The following ACACA variants were observed in gnomAD, a reference collection of about 807,000 sequenced individuals.
ACACA encodes acetyl-CoA carboxylase 1.
Under a neutral mutation model 296.1 loss-of-function variants are expected in ACACA, and 103 were observed. That is an observed-to-expected ratio of 0.35 (90% CI 0.30 to 0.41). ACACA has a LOEUF of 0.41. ACACA is among the 10% of genes least tolerant of loss of function. ACACA has a pLI of 1.00. For synonymous variants in ACACA, 953 were observed against 1,038.6 expected, an observed-to-expected ratio of 0.92 and a Z score of 1.58; for missense variants, 1,554 against 2,989.7, an observed-to-expected ratio of 0.52 and a Z score of 11.20.
At chr17:37,346,687 G>A (rs933162947) in intron 1 of ACACA, among the ~76,000 whole-genome samples, 1 of 132,338 alleles carries the variant, frequency 7.6e-6, no homozygotes, top group Non-Finnish European at 1.5e-5. Flanking sequence ...AGGCGACAGA[G>A]CAAGACTCCA....
intron 42 of ACACA, among the ~76,000 whole-genome samples, chr17:37,156,088 G>C (rs1036924518): frequency 8.4e-6 from 1 of 119,638 alleles, no homozygotes; most frequent in Non-Finnish European, 1.7e-5. Context: ...TGTTGAGATG[G>C]AGTCTCACTC....
At chr17:37,178,034 T>C (rs140286612) in intron 41 of ACACA, among the ~76,000 whole-genome samples, 2 of 152,346 alleles carry the variant, frequency 1.3e-5, no homozygotes, top group African/African-American at 4.8e-5. Context: ...CCAGCCTATT[T>C]GTGGTGAAAA....
rs573100902 is a variant in ACACA, at chr17:37,383,661, C to T, written c.38+22601G>A. ...CTCCCAGGTTCAAGCAATTCTCGTG[C>T]TTCAGCCTCTCGAGTAGCTGGGATT... On this transcript the variant is annotated intron_variant, in intron 1 of 55. Transcript: ENST00000616317. Among the ~76,000 whole-genome samples the T allele has an allele frequency of 1.5e-4, 23 of 152,326 alleles. No individual in the cohort carries two copies. The South Asian group carries it at 4.3e-3, about 29-fold the overall frequency.
chr17:37,332,750 A>G (rs1343812258), intron 2 of ACACA, among the ~76,000 whole-genome samples: 2 of 152,046 alleles, frequency 1.3e-5, no homozygotes, highest in Non-Finnish European at 2.9e-5. Context: ...CGTCTCTACT[A>G]AAAATACAAA....
chr17:37,406,065 T>C (rs574682813), intron 1 of ACACA, among the ~76,000 whole-genome samples, 197 bp downstream of exon 1: 2 of 152,216 alleles, frequency 1.3e-5, no homozygotes, highest in South Asian at 4.1e-4. Context: ...AGCAGTGTGA[T>C]CCCAAGTTAT....
chr17:37,218,425 ATC>A (rs2145605617), intron 29 of ACACA, among the ~76,000 whole-genome samples: 1 of 152,332 alleles, frequency 6.6e-6, no homozygotes, highest in African/African-American at 2.4e-5. Flanking sequence ...AATTAATTTT[ATC>A]TGTTTCTTTT....
At chr17:37,111,777 G>A (rs1006399260) in intron 51 of ACACA, 134 bp from the exon 52 acceptor site, 2 of 726,066 alleles carry the variant, frequency 2.8e-6, no homozygotes, top group Non-Finnish European at 4.9e-6. Context: ...ATGGTTAACA[G>A]ACATCTCCCC....
Position 37,347,368 on chromosome 17 carries a change from T to C in ACACA, c.39-7518A>G, listed in dbSNP as rs552624508. The stretch of plus-strand genomic sequence containing the variant: ...GTCTCGAGTATGTCTTTATCAGCAG[T>C]GTGAAAACAGACTAATACAAGGGCT... On this transcript the variant is annotated intron_variant, in intron 1 of 55. Transcript: ENST00000616317. 2.6e-5 allele frequency among the ~76,000 whole-genome samples: 4 copies of C among 152,222 alleles called. No individual in the cohort carries two copies. The East Asian group carries it at 5.8e-4, about 22-fold the overall frequency.
intron 9 of ACACA, among the ~76,000 whole-genome samples, chr17:37,271,937 A>T (rs994784499): frequency 6.6e-6 from 1 of 152,262 alleles, no homozygotes; most frequent in Non-Finnish European, 1.5e-5. Flanking sequence ...GTGCCAATGC[A>T]TTCCAGCTTG....
At chr17:37,257,551 C>T in intron 14 of ACACA, 152 bp downstream of exon 14, 1 of 704,566 alleles carries the variant, frequency 1.4e-6, no homozygotes, top group African/African-American at 1.8e-5. Flanking sequence ...AACATGAATG[C>T]AAGTGTAATT....
At chr17:37,138,677 A>G (rs759314855) in intron 45 of ACACA, among the ~76,000 whole-genome samples, 41 of 152,234 alleles carry the variant, frequency 2.7e-4, no homozygotes, top group Non-Finnish European at 4.6e-4. Flanking sequence ...TAAGAGTACA[A>G]TGGGCTCATT....
At chr17:37,226,476 C>A (rs764226084) in intron 25 of ACACA, 24 bp from the exon 26 acceptor site, 2 of 1,559,904 alleles carry the variant, frequency 1.3e-6, no homozygotes, top group Non-Finnish European at 1.8e-6. Context: ...TAAAAAAGAA[C>A]ATAGATAGTC....
At chr17:37,289,447 C>T in intron 3 of ACACA, 1 of 1,351,736 alleles carries the variant, frequency 7.4e-7, no homozygotes, top group Non-Finnish European at 9.8e-7. Flanking sequence ...AAGTATGGCA[C>T]AATCAAACAT....
chr17:37,377,639 G>A (rs1013333133), intron 1 of ACACA, among the ~76,000 whole-genome samples: 5 of 150,762 alleles, frequency 3.3e-5, no homozygotes, highest in East Asian at 3.9e-4. Context: ...CATCCTGGGC[G>A]ACAGAGTGAG....
At chr17:37,143,803 T>C in intron 45 of ACACA, 1 of 1,205,586 alleles carries the variant, frequency 8.3e-7, no homozygotes, top group Non-Finnish European at 1.2e-6. Flanking sequence ...AGGCTTTCCT[T>C]TAGCTCAATA....
chr17:37,099,640 G>A lies in ACACA; in HGVS notation c.6566-1656C>T, dbSNP rs117288392. Among the ~76,000 whole-genome samples, 594 of 144,094 alleles carry A rather than the reference G, an allele frequency of 4.1e-3. 2 individuals are homozygous for A. The highest frequency in any genetic ancestry group is 0.01 in the East Asian group (48 of 4,756). The allele number at this position is 144,094 out of a possible 152,430, so 94.5% of individuals were successfully genotyped here. On this transcript the variant is annotated intron_variant, in intron 52 of 55. Coordinates refer to ENST00000616317, the MANE Select transcript of ACACA (RefSeq NM_198834.3). ...ATGGCAGGAGGGCTGATGGAGGGAG[G>A]GCTGATGGGAGGAGGGCTGATGGAG...
chr17:37,095,980 G>T (rs1320646505), intron 54 of ACACA, among the ~76,000 whole-genome samples: 1 of 152,112 alleles, frequency 6.6e-6, no homozygotes, highest in East Asian at 1.9e-4. Context: ...TACTGCTCTA[G>T]GTCACGAGCC....
intron 3 of ACACA, among the ~76,000 whole-genome samples, chr17:37,318,802 G>C (rs1452293156): frequency 6.6e-6 from 1 of 152,016 alleles, no homozygotes; most frequent in Non-Finnish European, 1.5e-5. Context: ...TCTACCACTA[G>C]ATTTAAATAA....
intron 35 of ACACA, among the ~76,000 whole-genome samples, chr17:37,199,145 CAGG>C (rs1348409093): frequency 6.6e-6 from 1 of 151,430 alleles, no homozygotes; most frequent in Non-Finnish European, 1.5e-5. Flanking sequence ...GAGGCTGAGG[CAGG>C]AGAATTGCTG....
Sources: allele counts gnomAD v4.1 joint callset (sites outside exome capture counted in the v4.1 genomes callset), GRCh38; gene constraint gnomAD v4.1.1; transcripts MANE v1.5; gene names NCBI Gene and HGNC (gene_info 2026-07-23, HGNC 2026-07-21).